The following SUGCT variants were observed in gnomAD, a reference collection of about 807,000 sequenced individuals.
SUGCT encodes the protein succinyl-CoA:glutarate CoA-transferase.
Under a neutral mutation model 55.0 loss-of-function variants are expected in SUGCT, and 41 were observed. The ratio of observed to expected loss-of-function variants is 0.74; its 90% CI spans 0.58 to 0.97. The LOEUF (loss-of-function observed/expected upper bound fraction) is 0.97, where lower values mean the gene tolerates loss of function less well. Among genes scored for constraint, SUGCT ranks in the 50% least tolerant of loss-of-function variants. SUGCT has a pLI of 0.00. For missense variants in SUGCT, 568 were observed against 547.8 expected (o/e 1.04, Z -0.37); for synonymous variants, 187 against 200.4 (o/e 0.93, Z 0.56).
the SUGCT span, among the ~76,000 whole-genome samples, chr7:40,905,716 CT>C: frequency 5.2e-4 from 74 of 141,648 alleles, no homozygotes; most frequent in Non-Finnish European, 4.8e-4. Context: ...TTTTTTTTTT[CT>C]TTTTTTTTTT....
chr7:40,300,107 TTG>T (rs1794445052), intron 8 of SUGCT, among the ~76,000 whole-genome samples: 2 of 152,316 alleles, frequency 1.3e-5, no homozygotes, highest in African/African-American at 4.8e-5. Flanking sequence ...GTAAGCTGTT[TTG>T]TGTGTATTCC....
chr7:40,334,168 T>A (rs146430923), intron 9 of SUGCT, among the ~76,000 whole-genome samples: 17,530 of 152,220 alleles, frequency 0.12, 1,327 homozygotes, highest in East Asian at 0.44. Flanking sequence ...ACCTTTGGGT[T>A]GGTTCCAAGT....
intron 8 of SUGCT, among the ~76,000 whole-genome samples, chr7:40,310,571 G>T (rs954974568): frequency 6.6e-6 from 1 of 152,008 alleles, no homozygotes; most frequent in African/African-American, 2.4e-5. Context: ...GTAATAACAG[G>T]GATACTGGAC....
At chr7:40,448,565 G>A (rs1409673571) in intron 9 of SUGCT, among the ~76,000 whole-genome samples, 1 of 151,890 alleles carries the variant, frequency 6.6e-6, no homozygotes, top group African/African-American at 2.4e-5. Flanking sequence ...AAAAGAAAAA[G>A]GGCCAGGCAT....
the SUGCT span, among the ~76,000 whole-genome samples, chr7:40,941,888 C>T: frequency 6.6e-6 from 1 of 152,024 alleles, no homozygotes; most frequent in Admixed American, 6.6e-5. Context: ...ATAGCTACTA[C>T]TGTTCATTTT....
the SUGCT span, among the ~76,000 whole-genome samples, chr7:40,937,837 C>T: frequency 6.6e-6 from 1 of 152,150 alleles, no homozygotes; most frequent in Non-Finnish European, 1.5e-5. Flanking sequence ...ACCTTTTTAG[C>T]ACCAGGGACC....
rs1353808141 is a variant in SUGCT at position 40,554,324 on chromosome 7, A to G, written c.1089+57938A>G. On this transcript the variant is annotated intron_variant, in intron 12 of 13. Transcript: ENST00000335693. ...ATGTAACAACAGATCTGGAGAGTTT[A>G]GTGGCATGTAGATTGTCATTTTGTT... Among the ~76,000 whole-genome samples, 3 of 152,222 alleles carry G rather than the reference A, an allele frequency of 2.0e-5. No individual in the cohort carries two copies. In the East Asian group the frequency reaches 5.8e-4, roughly 29 times the overall value.
chr7:40,314,559 CTTTTTTTT>C (rs1292941632), intron 8 of SUGCT, among the ~76,000 whole-genome samples: 4 of 108,732 alleles, frequency 3.7e-5, no homozygotes, highest in East Asian at 2.8e-4. Context: ...TCCCTTGTGT[CTTTTTTTT>C]TTTTTTTTTT....
At chr7:40,256,864 C>A (rs562052727) in intron 7 of SUGCT, among the ~76,000 whole-genome samples, 1 of 152,022 alleles carries the variant, frequency 6.6e-6, no homozygotes, top group Non-Finnish European at 1.5e-5. Context: ...TTGCTCTGGC[C>A]TCCTGAGTAG....
chr7:40,708,700 G>A (rs1185038716), intron 12 of SUGCT, among the ~76,000 whole-genome samples: 5 of 151,998 alleles, frequency 3.3e-5, no homozygotes, highest in African/African-American at 2.4e-5. Context: ...TGTTGCTTCC[G>A]CCTGAGCACT....
the SUGCT span, among the ~76,000 whole-genome samples, chr7:40,944,815 G>T: frequency 6.6e-6 from 1 of 152,142 alleles, no homozygotes; most frequent in Non-Finnish European, 1.5e-5. Flanking sequence ...AACCAAAAAA[G>T]AAGATGTGAC....
intron 12 of SUGCT, among the ~76,000 whole-genome samples, chr7:40,629,083 T>C (rs1799662925): frequency 6.6e-6 from 1 of 152,184 alleles, no homozygotes; most frequent in African/African-American, 2.4e-5. Flanking sequence ...TCATAGGTTC[T>C]GACTGAGTTA....
chr7:40,972,022 C>T, the SUGCT span, among the ~76,000 whole-genome samples: 1 of 152,036 alleles, frequency 6.6e-6, no homozygotes, highest in South Asian at 2.1e-4. Context: ...CTCTGGTTAA[C>T]ATTTTTCTTT....
intron 12 of SUGCT, among the ~76,000 whole-genome samples, chr7:40,605,343 A>G (rs1328023423): frequency 1.3e-5 from 2 of 152,234 alleles, no homozygotes; most frequent in Non-Finnish European, 2.9e-5. Flanking sequence ...ATGTTCACAG[A>G]CACAAATGGA....
At chr7:40,524,732 A>G (rs1284289163) in intron 12 of SUGCT, among the ~76,000 whole-genome samples, 2 of 152,190 alleles carry the variant, frequency 1.3e-5, no homozygotes, top group African/African-American at 2.4e-5. Flanking sequence ...TTGTCACATT[A>G]TTGGCTTCCG....
chr7:40,506,673 A>G (rs1251766999), intron 12 of SUGCT, among the ~76,000 whole-genome samples: 1 of 151,536 alleles, frequency 6.6e-6, no homozygotes, highest in South Asian at 2.1e-4. Flanking sequence ...ATGTTCTTCT[A>G]TTTTATTATG....
At chr7:40,625,155 A>T (rs1029054855) in intron 12 of SUGCT, among the ~76,000 whole-genome samples, 4 of 152,192 alleles carry the variant, frequency 2.6e-5, no homozygotes, top group Non-Finnish European at 5.9e-5. Context: ...TCTCATGGGT[A>T]GTTCTTCCTG....
intron 7 of SUGCT, among the ~76,000 whole-genome samples, chr7:40,260,178 AACTCT>A (rs1305825299): frequency 6.6e-6 from 1 of 152,134 alleles, no homozygotes; most frequent in Non-Finnish European, 1.5e-5. Context: ...CATGGTTCTT[AACTCT>A]ATTAGATTTG....
chr7:40,370,870 A>G (rs1199605600), intron 9 of SUGCT, among the ~76,000 whole-genome samples: 2 of 152,128 alleles, frequency 1.3e-5, no homozygotes, highest in Non-Finnish European at 2.9e-5. Flanking sequence ...GCTTTAAACT[A>G]ATAACAATAG....
Sources: allele counts gnomAD v4.1 joint callset (sites outside exome capture counted in the v4.1 genomes callset), GRCh38; gene constraint gnomAD v4.1.1; transcripts MANE v1.5; gene names NCBI Gene and HGNC (gene_info 2026-07-23, HGNC 2026-07-21).